The following TRIM14 variants were observed in gnomAD, a reference collection of about 807,000 sequenced individuals.
TRIM14 encodes the protein tripartite motif containing 14.
TRIM14 carries 28 observed loss-of-function variants against 44.5 expected under a neutral mutation model. The ratio of observed to expected loss-of-function variants is 0.63; its 90% CI spans 0.47 to 0.86. TRIM14 has a LOEUF of 0.86. TRIM14 is among the 40% of genes least tolerant of loss of function. TRIM14 has a pLI of 0.00. For missense variants in TRIM14, 607 were observed against 611.1 expected (o/e 0.99, Z 0.07); for synonymous variants, 299 against 269.2 (o/e 1.11, Z -1.08).
intron 2 of TRIM14, among the ~76,000 whole-genome samples, chr9:98,107,601 A>C (rs1317563652): frequency 3.3e-5 from 5 of 152,176 alleles, no homozygotes; most frequent in Admixed American, 3.3e-4. Context: ...AAACAAATTA[A>C]TAATTGCCAG....
the TRIM14 span, among the ~76,000 whole-genome samples, chr9:98,037,731 A>G: frequency 6.6e-6 from 1 of 152,178 alleles, no homozygotes; most frequent in Non-Finnish European, 1.5e-5. Context: ...CAGTTGGGGT[A>G]GCCACTGGGG....
chr9:98,046,511 G>T, the TRIM14 span, among the ~76,000 whole-genome samples: 1 of 151,608 alleles, frequency 6.6e-6, no homozygotes, highest in African/African-American at 2.4e-5. Context: ...GCGTGATCTC[G>T]GCTCACAGCA....
At chr9:98,106,189 C>G (rs1045406009) in intron 2 of TRIM14, among the ~76,000 whole-genome samples, 8 of 152,094 alleles carry the variant, frequency 5.3e-5, no homozygotes, top group Non-Finnish European at 8.8e-5. Flanking sequence ...GAAAATGAAC[C>G]ACCATGCCTC....
chr9:98,039,632 G>A, the TRIM14 span, among the ~76,000 whole-genome samples: 51 of 152,066 alleles, frequency 3.4e-4, no homozygotes, highest in African/African-American at 1.1e-3. Context: ...TTTTGCAGAC[G>A]CTGCACTTGA....
At chr9:98,037,133 T>A in the TRIM14 span, among the ~76,000 whole-genome samples, 4 of 151,752 alleles carry the variant, frequency 2.6e-5, no homozygotes, top group African/African-American at 9.7e-5. Flanking sequence ...ATCCCAGCAC[T>A]TTGGGAGGCT....
intron 1 of TRIM14, among the ~76,000 whole-genome samples, chr9:98,111,907 C>G (rs1826868395): frequency 6.6e-6 from 1 of 152,146 alleles, no homozygotes; most frequent in Non-Finnish European, 1.5e-5. Flanking sequence ...CATTGCACTC[C>G]AACCAGGGCA....
At chr9:98,108,506 G>T (rs1178575185) in intron 2 of TRIM14, among the ~76,000 whole-genome samples, 1 of 152,078 alleles carries the variant, frequency 6.6e-6, no homozygotes, top group Non-Finnish European at 1.5e-5. Context: ...CTCCACATGG[G>T]TCCTAATTCT....
intron 2 of TRIM14, among the ~76,000 whole-genome samples, chr9:98,101,699 C>T (rs916217211): frequency 6.6e-6 from 1 of 152,204 alleles, no homozygotes; most frequent in African/African-American, 2.4e-5. Flanking sequence ...GGATTACAGG[C>T]ATGAGCCACT....
the TRIM14 span, among the ~76,000 whole-genome samples, chr9:98,044,124 T>C: frequency 6.6e-6 from 1 of 150,896 alleles, no homozygotes; most frequent in Non-Finnish European, 1.5e-5. Flanking sequence ...ACCACTGAGG[T>C]GTTACTGCCC....
chr9:98,091,438 C>T (rs1291833659), intron 5 of TRIM14, among the ~76,000 whole-genome samples: 1 of 152,048 alleles, frequency 6.6e-6, no homozygotes, highest in East Asian at 1.9e-4. Context: ...GAGCAAGACT[C>T]GGTCACACAC....
At chr9:98,047,610 G>A in the TRIM14 span, among the ~76,000 whole-genome samples, 3 of 152,018 alleles carry the variant, frequency 2.0e-5, no homozygotes, top group Admixed American at 2.0e-4. Flanking sequence ...TGATATTTTT[G>A]AGTTTTGGGG....
intron 2 of TRIM14, among the ~76,000 whole-genome samples, chr9:98,107,497 A>C (rs1486030926): frequency 6.6e-6 from 1 of 152,256 alleles, no homozygotes; most frequent in African/African-American, 2.4e-5. Context: ...TTCTTGCAAC[A>C]ACTTGGGTGG....
chr9:98,072,045 C>T (rs1301688502), intron 6 of TRIM14, among the ~76,000 whole-genome samples: 2 of 152,212 alleles, frequency 1.3e-5, no homozygotes, highest in African/African-American at 4.8e-5. Context: ...CCCCAGGCAG[C>T]CCATTTGCTT....
intron 1 of TRIM14, among the ~76,000 whole-genome samples, chr9:98,116,845 CAAAA>C (rs149202287): frequency 3.0e-5 from 3 of 100,844 alleles, no homozygotes; most frequent in Admixed American, 2.0e-4. Flanking sequence ...CCCTGTGTCT[CAAAA>C]AAAAAAAAAA....
chr9:98,056,587 C>A, the TRIM14 span, among the ~76,000 whole-genome samples: 4 of 152,066 alleles, frequency 2.6e-5, no homozygotes, highest in East Asian at 7.9e-4. Flanking sequence ...CCTCGACCCG[C>A]CCCGCCGCCC....
intron 2 of TRIM14, among the ~76,000 whole-genome samples, chr9:98,108,613 T>C (rs1416930575): frequency 1.3e-5 from 2 of 151,998 alleles, no homozygotes; most frequent in African/African-American, 4.8e-5. Flanking sequence ...GCTTTCACTT[T>C]CTAAATCCTT....
chr9:98,079,122 G>A (rs531571272), intron 6 of TRIM14, among the ~76,000 whole-genome samples: 1 of 152,244 alleles, frequency 6.6e-6, no homozygotes, highest in East Asian at 1.9e-4. Context: ...TCATTTCACA[G>A]ATGGTGAAAT....
Position 98,087,181 on chromosome 9 carries a change from T to C in TRIM14, c.*289A>G, listed in dbSNP as rs745569167. The C allele has an allele frequency of 5.7e-6, 4 of 699,610 alleles. No homozygotes were observed. The highest frequency in any genetic ancestry group is 8.2e-6 in the Non-Finnish European group (3 of 368,066). The allele number at this position is 699,610 out of a possible 1,614,324, so 43.3% of individuals were successfully genotyped here. On this transcript the variant is annotated 3_prime_UTR_variant, in exon 6 of 6. Coordinates refer to ENST00000341469, the MANE Select transcript of TRIM14 (RefSeq NM_014788.4). ...ATTCAGGATGCTGAGGGCTTACCTG[T>C]GGGGGTATCACTTTGAAGGAACTGG... is the stretch of plus-strand genomic sequence containing the variant.
downstream of TRIM14, chr9:98,083,185 A>G: frequency 1.2e-6 from 1 of 824,936 alleles, no homozygotes; most frequent in African/African-American, 1.7e-5. Context: ...CTCCTTAGAC[A>G]GCAGATGTTT....
Sources: gnomAD v4.1 joint callset for allele counts (sites outside exome capture counted in the v4.1 genomes callset) on GRCh38, gnomAD v4.1.1 for gene constraint, MANE v1.5 for transcripts, NCBI Gene and HGNC (gene_info 2026-07-23, HGNC 2026-07-21) for gene names.